The following DRAM1 variants were observed in gnomAD, a reference collection of about 807,000 sequenced individuals.
DRAM1 encodes DNA damage-regulated autophagy modulator protein 1.
Under a neutral mutation model 28.5 loss-of-function variants are expected in DRAM1, and 25 were observed. The observed-to-expected ratio is 0.88, with a 90% confidence interval of 0.64 to 1.23. The LOEUF is 1.23. Ranked by LOEUF, DRAM1 falls within the 50% of genes most tolerant of loss-of-function variation. The pLI is 0.00. For missense variants in DRAM1, 249 were observed against 299.2 expected (o/e 0.83, Z 1.24); for synonymous variants, 113 against 114.2 (o/e 0.99, Z 0.07).
chr12:101,916,577 T>C (rs894157993), intron 5 of DRAM1, among the ~76,000 whole-genome samples: 1 of 152,178 alleles, frequency 6.6e-6, no homozygotes, highest in Non-Finnish European at 1.5e-5. Flanking sequence ...TCCTGTTAGA[T>C]ACCTGTAGTA....
chr12:101,907,066 G>A (rs925576496), intron 3 of DRAM1, among the ~76,000 whole-genome samples: 2 of 151,472 alleles, frequency 1.3e-5, no homozygotes, highest in African/African-American at 4.8e-5. Flanking sequence ...AGAACTGGGT[G>A]TGGTGGCATG....
chr12:101,883,898 G>A lies in DRAM1; in HGVS notation c.131+5978G>A, dbSNP rs1872779937. Among the ~76,000 whole-genome samples, 4 of 150,326 alleles carry A rather than the reference G, an allele frequency of 2.7e-5. No individual in the cohort carries two copies. The South Asian group carries it at 8.3e-4, about 31-fold the overall frequency. On this transcript the variant is annotated intron_variant, in intron 1 of 6. Coordinates refer to ENST00000258534, the MANE Select transcript of DRAM1 (RefSeq NM_018370.3). ...TGCAGTGGACCGAGATTGTGCCACT[G>A]CACTCCAGCCTGGTGATAGAGCGAG...
At chr12:101,905,477 T>G (rs1873768996) in intron 3 of DRAM1, among the ~76,000 whole-genome samples, 1 of 151,944 alleles carries the variant, frequency 6.6e-6, no homozygotes, top group African/African-American at 2.4e-5. Flanking sequence ...AGACAGTGTT[T>G]CACCACATTG....
At chr12:101,917,085 C>G (rs901347173) in intron 5 of DRAM1, among the ~76,000 whole-genome samples, 6 of 152,170 alleles carry the variant, frequency 3.9e-5, no homozygotes, top group Non-Finnish European at 8.8e-5. Flanking sequence ...GGAATGAAGT[C>G]CCTCAATTTG....
At chr12:101,895,890 CTTTTTCT>C (rs1873350466) in intron 1 of DRAM1, among the ~76,000 whole-genome samples, 1 of 151,024 alleles carries the variant, frequency 6.6e-6, no homozygotes, top group Non-Finnish European at 1.5e-5. Flanking sequence ...CTATTAACTT[CTTTTTCT>C]TTTTTTTGAG....
At chr12:101,883,858 C>G (rs1872778314) in intron 1 of DRAM1, among the ~76,000 whole-genome samples, 1 of 151,064 alleles carries the variant, frequency 6.6e-6, no homozygotes, top group East Asian at 2.0e-4. Context: ...ATCGCTTGAA[C>G]CCGGAGGTGG....
chr12:101,915,707 G>A (rs183289947), intron 5 of DRAM1, among the ~76,000 whole-genome samples: 31 of 151,776 alleles, frequency 2.0e-4, no homozygotes, highest in African/African-American at 5.6e-4. Flanking sequence ...GATTACAGGC[G>A]TGCACCACCA....
At chr12:101,900,841 G>T (rs1043845518) in intron 2 of DRAM1, among the ~76,000 whole-genome samples, 1 of 152,142 alleles carries the variant, frequency 6.6e-6, no homozygotes, top group African/African-American at 2.4e-5. Flanking sequence ...TATTCATGGC[G>T]TGTTGTTTGT....
At chr12:101,915,103 C>A (rs1488866614) in intron 5 of DRAM1, among the ~76,000 whole-genome samples, 2 of 152,006 alleles carry the variant, frequency 1.3e-5, no homozygotes, top group Non-Finnish European at 2.9e-5. Context: ...CCTCAGCCTC[C>A]TGAGTAGCTG....
At chr12:101,917,843 CGTT>C (rs956740470) in intron 5 of DRAM1, among the ~76,000 whole-genome samples, 3 of 152,112 alleles carry the variant, frequency 2.0e-5, no homozygotes, top group Non-Finnish European at 4.4e-5. Flanking sequence ...TTCCTCTTTC[CGTT>C]GGAGAGAACC....
chr12:101,920,269 C>G (rs1446159166), intron 6 of DRAM1, 68 bp downstream of exon 6: 7 of 882,060 alleles, frequency 7.9e-6, no homozygotes, highest in Non-Finnish European at 1.0e-5. Flanking sequence ...TTGCAGAAGA[C>G]ATTTTGCATT....
intron 4 of DRAM1, among the ~76,000 whole-genome samples, chr12:101,909,356 G>A (rs1412807485): frequency 6.6e-6 from 1 of 152,058 alleles, no homozygotes. Context: ...AAAGAAGGGT[G>A]GAAAATGTAG....
chr12:101,906,298 A>G (rs61935249), intron 3 of DRAM1, among the ~76,000 whole-genome samples: 17,138 of 152,022 alleles, frequency 0.11, 1,021 homozygotes, highest in Middle Eastern at 0.18. Flanking sequence ...TTTAATATCA[A>G]TTCATTTGTG....
intron 3 of DRAM1, among the ~76,000 whole-genome samples, chr12:101,902,157 T>C (rs1027903383): frequency 1.3e-5 from 2 of 152,230 alleles, no homozygotes; most frequent in African/African-American, 4.8e-5. Flanking sequence ...TATGACAGTA[T>C]GCATTTTGTT....
intron 1 of DRAM1, among the ~76,000 whole-genome samples, chr12:101,889,824 C>T (rs1350747163): frequency 6.6e-6 from 1 of 151,092 alleles, no homozygotes; most frequent in Non-Finnish European, 1.5e-5. Context: ...CCTGTAATCC[C>T]AGCTACTTGG....
At chr12:101,912,731 ATTTT>A (rs10530801) in intron 4 of DRAM1, among the ~76,000 whole-genome samples, 7 of 128,602 alleles carry the variant, frequency 5.4e-5, no homozygotes, top group Admixed American at 7.8e-5. Flanking sequence ...TTGGCTCAAC[ATTTT>A]TTTTTTTTTT....
At chr12:101,919,497 T>C (rs1342073981) in intron 5 of DRAM1, among the ~76,000 whole-genome samples, 2 of 152,244 alleles carry the variant, frequency 1.3e-5, no homozygotes, top group East Asian at 3.8e-4. Context: ...TCTCCTTGGC[T>C]TCCATTCTCC....
intron 3 of DRAM1, among the ~76,000 whole-genome samples, chr12:101,907,668 G>T (rs1243603727): frequency 6.6e-6 from 1 of 152,190 alleles, no homozygotes; most frequent in African/African-American, 2.4e-5. Context: ...GAACCTGGGT[G>T]GCGGAGGTTG....
At chr12:101,899,903 A>C (rs948833348) in intron 2 of DRAM1, among the ~76,000 whole-genome samples, 5 of 152,158 alleles carry the variant, frequency 3.3e-5, no homozygotes, top group African/African-American at 4.8e-5. Flanking sequence ...TGTAATTCTA[A>C]TGTTGAAGTG....
Sources: gnomAD v4.1 joint callset for allele counts (sites outside exome capture counted in the v4.1 genomes callset) on GRCh38, gnomAD v4.1.1 for gene constraint, MANE v1.5 for transcripts, NCBI Gene and HGNC (gene_info 2026-07-23, HGNC 2026-07-21) for gene names.